Variants in SLC4A4 observed in about 807,000 individuals in gnomAD.
SLC4A4 encodes the protein electrogenic sodium bicarbonate cotransporter 1.
Under a neutral mutation model 111.5 loss-of-function variants are expected in SLC4A4, and 27 were observed. The observed-to-expected ratio is 0.24, with a 90% CI of 0.18 to 0.33. The LOEUF is 0.33. SLC4A4 is among the 10% of genes least tolerant of loss of function. The pLI, the probability that SLC4A4 is intolerant of heterozygous loss-of-function variation, is 1.00. For synonymous variants in SLC4A4, 443 were observed against 463.4 expected, an observed-to-expected ratio of 0.96 and a Z score of 0.57; for missense variants, 909 against 1,315.5, an observed-to-expected ratio of 0.69 and a Z score of 4.78.
chr4:71,100,914 A>G lies in SLC4A4; in HGVS notation c.-2+8122A>G, dbSNP rs564217608. On this transcript the variant is annotated intron_variant, in intron 2 of 26. Transcript: ENST00000649996. ...GAGGTGAAAGATTTCTGCAATGAGA[A>G]TTACAAAACACTGCTCAAAGAAATC... is the stretch of plus-strand genomic sequence containing the variant. 1.6e-4 allele frequency among the ~76,000 whole-genome samples: 24 copies of G among 152,350 alleles called. No homozygotes were observed. The East Asian group carries it at 3.7e-3, about 23-fold the overall frequency.
chr4:71,369,843 C>G (rs975584562), intron 6 of SLC4A4, among the ~76,000 whole-genome samples: 1 of 151,922 alleles, frequency 6.6e-6, no homozygotes, highest in African/African-American at 2.4e-5. Flanking sequence ...ATTCCCTGTC[C>G]TTGGGGGGTT....
chr4:71,175,763 C>A (rs563680443), intron 2 of SLC4A4, among the ~76,000 whole-genome samples: 2 of 152,198 alleles, frequency 1.3e-5, no homozygotes, highest in Non-Finnish European at 2.9e-5. Context: ...CAGGGCATAG[C>A]CAAACAAAAG....
At chr4:71,074,138 T>A (rs993215828) in intron 1 of SLC4A4, among the ~76,000 whole-genome samples, 5 of 152,328 alleles carry the variant, frequency 3.3e-5, no homozygotes, top group Admixed American at 2.0e-4. Flanking sequence ...AAAAACTTGA[T>A]GGAACTTTAA....
At chr4:71,483,936 T>C (rs1346515941) in intron 14 of SLC4A4, among the ~76,000 whole-genome samples, 1 of 33,696 alleles carries the variant, frequency 3.0e-5, no homozygotes, top group East Asian at 4.9e-4. Flanking sequence ...ATGTTGAGCT[T>C]TTTTTTTCAT....
chr4:71,127,895 G>A (rs1743601150), intron 2 of SLC4A4, among the ~76,000 whole-genome samples: 2 of 152,186 alleles, frequency 1.3e-5, no homozygotes, highest in Non-Finnish European at 2.9e-5. Context: ...AGCCAAGGCG[G>A]GAGGATCATT....
intron 1 of SLC4A4, among the ~76,000 whole-genome samples, chr4:71,083,247 A>C (rs973352129): frequency 2.6e-5 from 4 of 151,790 alleles, no homozygotes; most frequent in Non-Finnish European, 4.4e-5. Context: ...GTATGATAGC[A>C]TTCAGTGCAT....
chr4:71,322,955 G>A lies in SLC4A4; in HGVS notation c.254-16415G>A, dbSNP rs140216377. ...TTTCGTGGCTTCCCAGTTAAGTAGC[G>A]TTCAGAACCATGGCCAGTCCTGGTT... On this transcript the variant is annotated intron_variant, in intron 3 of 25. Transcript: ENST00000264485. Among the ~76,000 whole-genome samples the A allele has an allele frequency of 3.8e-4, 58 of 151,938 alleles. No individual in the cohort carries two copies. In the East Asian group the frequency reaches 6.6e-3, roughly 17 times the overall value.
chr4:71,266,328 AG>A (rs1452819402), intron 3 of SLC4A4, among the ~76,000 whole-genome samples: 2 of 152,206 alleles, frequency 1.3e-5, no homozygotes, highest in Non-Finnish European at 2.9e-5. Context: ...TTTAATCAAA[AG>A]TTGCTTGTGA....
At chr4:71,066,027 C>A (rs1741508872) in intron 1 of SLC4A4, among the ~76,000 whole-genome samples, 2 of 151,812 alleles carry the variant, frequency 1.3e-5, no homozygotes, top group South Asian at 4.1e-4. Context: ...ATAAGTATTT[C>A]TTGAATCAAT....
chr4:71,476,911 T>A (rs1462637346), intron 14 of SLC4A4, among the ~76,000 whole-genome samples: 2 of 151,708 alleles, frequency 1.3e-5, no homozygotes, highest in Admixed American at 6.6e-5. Flanking sequence ...TATTAATTAG[T>A]AGACGAAATG....
chr4:71,549,450 A>C (rs1015396538), intron 20 of SLC4A4, among the ~76,000 whole-genome samples: 1 of 151,852 alleles, frequency 6.6e-6, no homozygotes, highest in Non-Finnish European at 1.5e-5. Flanking sequence ...GGCTCACTTC[A>C]AGTAGGTGCA....
chr4:71,527,607 G>A (rs185783730), intron 16 of SLC4A4, among the ~76,000 whole-genome samples: 5 of 151,914 alleles, frequency 3.3e-5, no homozygotes, highest in Admixed American at 2.6e-4. Flanking sequence ...CCTCCACCAG[G>A]GCCAGAGGTA....
intron 6 of SLC4A4, among the ~76,000 whole-genome samples, chr4:71,378,113 A>G (rs1732589038): frequency 6.6e-6 from 1 of 152,100 alleles, no homozygotes; most frequent in Admixed American, 6.5e-5. Flanking sequence ...CCCACAACAC[A>G]TGGGAATTCT....
chr4:71,372,946 GAA>G (rs1732020341), intron 6 of SLC4A4, among the ~76,000 whole-genome samples: 1 of 151,802 alleles, frequency 6.6e-6, no homozygotes, highest in Admixed American at 6.6e-5. Context: ...TTAAATAACT[GAA>G]TTGTAAGTGG....
At chr4:71,102,920 A>G (rs1290274047) in intron 2 of SLC4A4, among the ~76,000 whole-genome samples, 5 of 150,920 alleles carry the variant, frequency 3.3e-5, no homozygotes, top group African/African-American at 9.8e-5. Flanking sequence ...ACACATAACA[A>G]TATTAACTTT....
chr4:71,113,231 G>A (rs1343003230), intron 2 of SLC4A4, among the ~76,000 whole-genome samples: 1 of 152,212 alleles, frequency 6.6e-6, no homozygotes, highest in Non-Finnish European at 1.5e-5. Flanking sequence ...GTGGAGAAGA[G>A]ATGGTTAAAG....
intron 12 of SLC4A4, among the ~76,000 whole-genome samples, chr4:71,459,011 A>C (rs1726555599): frequency 6.6e-6 from 1 of 152,038 alleles, no homozygotes; most frequent in South Asian, 2.1e-4. Flanking sequence ...TTAGTGACAA[A>C]ATAAGGATTC....
In SLC4A4 at chr4:71,453,478, G is replaced by C; in HGVS notation, c.1323-17G>C. 6.2e-7 allele frequency: 1 copy of C among 1,612,160 alleles called. No homozygotes were observed. Among genetic ancestry groups the C allele is most frequent in the Non-Finnish European group, 8.5e-7 (1 of 1,178,302 alleles). ...TTTACTTTACATTTAGTGGATGTTT[G>C]CATTCTCTCTGCCCAGGTTCTGTGG... On this transcript the variant is annotated splice_polypyrimidine_tract_variant and intron_variant, in intron 11 of 25. Coordinates refer to ENST00000264485, the MANE Select transcript of SLC4A4 (RefSeq NM_001098484.3).
At chr4:71,396,874 C>G (rs1208533605) in intron 6 of SLC4A4, among the ~76,000 whole-genome samples, 1 of 152,150 alleles carries the variant, frequency 6.6e-6, no homozygotes, top group Non-Finnish European at 1.5e-5. Flanking sequence ...GACATCCATC[C>G]TTTCACTTGA....
Sources: gnomAD v4.1 joint callset for allele counts (sites outside exome capture counted in the v4.1 genomes callset) on GRCh38, gnomAD v4.1.1 for gene constraint, MANE v1.5 for transcripts, NCBI Gene and HGNC (gene_info 2026-07-23, HGNC 2026-07-21) for gene names.